The following TMEM69 variants were observed in gnomAD, a reference collection of about 807,000 sequenced individuals.
The protein encoded by TMEM69 is chromosome 1 open reading frame 154.
TMEM69 carries 17 observed loss-of-function variants against 15.8 expected under a neutral mutation model. The ratio of observed to expected loss-of-function variants is 1.07; its 90% CI spans 0.73 to 1.61. TMEM69 has a LOEUF of 1.61. Among genes scored for constraint, TMEM69 ranks in the 40% most tolerant of loss-of-function variants. The probability of loss-of-function intolerance (pLI) is 0.00; values close to 1 mark genes in which losing one functional copy is unlikely to be tolerated. For synonymous variants in TMEM69, 80 were observed against 98.6 expected, an observed-to-expected ratio of 0.81 and a Z score of 1.12; for missense variants, 230 against 286.1, an observed-to-expected ratio of 0.80 and a Z score of 1.41.
rs911957543 is a variant in TMEM69, at chr1:45,693,680, G to T, written c.519G>T (p.Trp173Cys). The T allele has an allele frequency of 1.2e-6, 2 of 1,614,030 alleles. No individual in the cohort carries two copies. Among genetic ancestry groups the T allele is most frequent in the Non-Finnish European group, 1.7e-6 (2 of 1,180,004 alleles). The change falls in exon 3 of 3, where the codon TGG becomes TGT. Residue 173 changes from tryptophan to cysteine, a missense_variant. Coordinates refer to ENST00000372025, the MANE Select transcript of TMEM69 (RefSeq NM_016486.4). Reference sequence around the variant, plus strand: ...GTGCAGCTCCTCTTTTCTTTTCATGGTTTGCCTTCCTTATTTCTGAAAGAC... The same window carrying T: ...GTGCAGCTCCTCTTTTCTTTTCATGTTTTGCCTTCCTTATTTCTGAAAGAC... ...ASSAAPLFFS[W>C]FAFLISERLS... is the part of the protein sequence containing the mutation.
intron 1 of TMEM69, among the ~76,000 whole-genome samples, chr1:45,690,636 G>GT (rs1023110001): frequency 1.9e-4 from 29 of 150,114 alleles, no homozygotes; most frequent in African/African-American, 2.4e-4. Flanking sequence ...TTTTGTTTTG[G>GT]TTTTTTTTTT....
At position 45,694,245 on chromosome 1, in the gene TMEM69, A is replaced by G; in HGVS notation, c.*340A>G. 2 of 569,324 alleles carry G rather than the reference A, an allele frequency of 3.5e-6. No homozygotes were observed. Among genetic ancestry groups the G allele is most frequent in the South Asian group, 4.5e-5 (2 of 44,828 alleles). The allele number at this position is 569,324 out of a possible 1,614,324, so 35.3% of individuals were successfully genotyped here. The stretch of plus-strand genomic sequence containing the variant: ...CCCACACCAATGGTAATTTATCTTC[A>G]CAGATTGTTCTTCATTTCTAGAAAT... On this transcript the variant is annotated 3_prime_UTR_variant, in exon 3 of 3. Transcript: ENST00000372025.
intron 1 of TMEM69, among the ~76,000 whole-genome samples, chr1:45,688,869 C>T (rs1375632358): frequency 6.6e-6 from 1 of 151,738 alleles, no homozygotes; most frequent in Non-Finnish European, 1.5e-5. Flanking sequence ...TTGACCCAGC[C>T]CTAAGATCTG....
rs1229184429 is a variant in TMEM69, at chr1:45,693,298, C to T, written c.137C>T (p.Pro46Leu). The change falls in exon 3 of 3, where the codon CCA (proline) becomes CTA (leucine). Residue 46 changes from proline (P) to leucine (L), a missense_variant. Physicochemically the swap from Pro to Leu is moderately conservative, Grantham distance 98. Coordinates refer to ENST00000372025, the MANE Select transcript of TMEM69 (RefSeq NM_016486.4). ...MSLQQNFSPC[P>L]RPWLSSSFPA... is the part of the protein sequence containing the mutation. ...CTCCAGCAAAACTTTTCCCCATGTC[C>T]AAGGCCTTGGCTTTCCTCATCATTT... 6.2e-7 allele frequency: 1 copy of T among 1,614,148 alleles called. No individual in the cohort carries two copies. The highest frequency in any genetic ancestry group is 1.7e-5 in the Admixed American group (1 of 60,002).
At position 45,689,817 on chromosome 1, in the gene TMEM69, G is replaced by A. The variant is rs1325050559; in HGVS notation, c.-95-1157G>A. ...GGCACCACTGCACTCCACCCTGGGCGACAGAGCAAGACTCCGTCTCAAAAA... is the reference window on the plus strand; with the variant it reads ...GGCACCACTGCACTCCACCCTGGGCAACAGAGCAAGACTCCGTCTCAAAAA... On this transcript the variant is annotated intron_variant, in intron 1 of 2. Coordinates refer to ENST00000372025, the MANE Select transcript of TMEM69 (RefSeq NM_016486.4). Among the ~76,000 whole-genome samples the A allele has an allele frequency of 5.3e-5, 8 of 152,018 alleles. No homozygotes were observed. In the East Asian group the frequency reaches 9.7e-4, roughly 18 times the overall value.
In TMEM69 at chr1:45,693,307, G is replaced by A. The variant is rs749859096; in HGVS notation, c.146G>A (p.Trp49Ter). Reference sequence around the variant, plus strand: ...AACTTTTCCCCATGTCCAAGGCCTTGGCTTTCCTCATCATTTCCAGCGTAT... The same window carrying A: ...AACTTTTCCCCATGTCCAAGGCCTTAGCTTTCCTCATCATTTCCAGCGTAT... ...QQNFSPCPRP[W>*]LSSSFPAYMS... Residue 49 changes from tryptophan to a stop codon, truncating the protein, a stop_gained, in exon 3 of 3, where the codon TGG (tryptophan) becomes TAG (stop). Coordinates refer to ENST00000372025, the MANE Select transcript of TMEM69 (RefSeq NM_016486.4). LOFTEE classifies it high-confidence loss of function. 6 of 1,613,962 alleles carry A rather than the reference G, an allele frequency of 3.7e-6. No individual in the cohort carries two copies. The African/African-American group carries it at 8.0e-5, about 22-fold the overall frequency.
chr1:45,691,226 G>A, intron 2 of TMEM69, 116 bp downstream of exon 2: 1 of 870,400 alleles, frequency 1.1e-6, no homozygotes, highest in South Asian at 1.4e-5. Context: ...ATGGAGGGAA[G>A]AGTTAAGTAA....
At chr1:45,691,368 T>C (rs1262945684) in intron 2 of TMEM69, among the ~76,000 whole-genome samples, 2 of 151,982 alleles carry the variant, frequency 1.3e-5, no homozygotes, top group African/African-American at 4.8e-5. Context: ...TCTGGGCACA[T>C]GGCAAAACCC....
chr1:45,691,872 GC>G (rs1201532035), intron 2 of TMEM69, among the ~76,000 whole-genome samples: 6 of 78,898 alleles, frequency 7.6e-5, no homozygotes, highest in African/African-American at 1.3e-4. Context: ...ATAAGGCCAG[GC>G]ACGGTCACTC....
intron 2 of TMEM69, 151 bp downstream of exon 2, chr1:45,691,261 T>C (rs1438320899): frequency 5.3e-6 from 4 of 748,600 alleles, no homozygotes; most frequent in African/African-American, 1.7e-5. Flanking sequence ...AAATGTTTAT[T>C]ATATCAGGCT....
chr1:45,693,918 T>C lies in TMEM69; in HGVS notation c.*13T>C, dbSNP rs763374703. On this transcript the variant is annotated 3_prime_UTR_variant, in exon 3 of 3. Transcript: ENST00000372025. Reference sequence around the variant, plus strand: ...TGGTCAAGTATAAAAAATATAAAAGTCTGGGAAGTGAGGAGCACCTCTGCC... The same window carrying C: ...TGGTCAAGTATAAAAAATATAAAAGCCTGGGAAGTGAGGAGCACCTCTGCC... 4 of 1,546,426 alleles carry C rather than the reference T, an allele frequency of 2.6e-6. No individual in the cohort carries two copies. The highest frequency in any genetic ancestry group is 4.5e-5 in the East Asian group (2 of 44,520).
intron 1 of TMEM69, among the ~76,000 whole-genome samples, chr1:45,689,951 C>T (rs756831940): frequency 1.3e-5 from 2 of 151,850 alleles, no homozygotes; most frequent in Non-Finnish European, 2.9e-5. Flanking sequence ...GCGGAGAGCA[C>T]GCCACTGCAG....
chr1:45,691,012 CAT>C lies in TMEM69; in HGVS notation c.-56_-55del. The C allele has an allele frequency of 6.3e-7, 1 of 1,599,008 alleles. No homozygotes were observed. The highest frequency in any genetic ancestry group is 8.6e-7 in the Non-Finnish European group (1 of 1,166,642). ...ATTCAGTGCCTCTGCTTAGCTGTAACATGTTAATCAGAACTACCTGGCATCTT... is the reference window on the plus strand; with the variant it reads ...ATTCAGTGCCTCTGCTTAGCTGTAACGTTAATCAGAACTACCTGGCATCTT... On this transcript the variant is annotated 5_prime_UTR_variant, in exon 2 of 3. An upstream start codon of the reference 5' UTR is lost. Coordinates refer to ENST00000372025, the MANE Select transcript of TMEM69 (RefSeq NM_016486.4).
At chr1:45,689,055 C>T (rs887230941) in intron 1 of TMEM69, among the ~76,000 whole-genome samples, 1 of 151,826 alleles carries the variant, frequency 6.6e-6, no homozygotes, top group African/African-American at 2.4e-5. Context: ...AGGCGCCTGC[C>T]ACCACGCCCA....
At chr1:45,689,625 G>A (rs146710725) in intron 1 of TMEM69, among the ~76,000 whole-genome samples, 1,781 of 152,158 alleles carry the variant, frequency 0.012, 25 homozygotes, top group African/African-American at 0.037. Flanking sequence ...GGCGGATCAC[G>A]AGGTCAGGAG....
rs749061812 is a variant in TMEM69, at chr1:45,693,791, G to T, written c.630G>T (p.Trp210Cys). The change falls in exon 3 of 3, where the codon TGG becomes TGT. Residue 210 changes from tryptophan (W) to cysteine (C), a missense_variant. Coordinates refer to ENST00000372025, the MANE Select transcript of TMEM69 (RefSeq NM_016486.4). ...ELFLLPHYPN[W>C]FKALRIVVTL... is the part of the protein sequence containing the mutation. The stretch of plus-strand genomic sequence containing the variant: ...TTCTCTTACCACATTATCCCAACTG[G>T]TTTAAAGCCCTGAGGATAGTAGTCA... The T allele has an allele frequency of 1.2e-6, 2 of 1,614,134 alleles. No homozygotes were observed. Among genetic ancestry groups the T allele is most frequent in the Admixed American group, 1.7e-5 (1 of 60,022 alleles).
chr1:45,690,922 AAATT>A (rs376433272), intron 1 of TMEM69, 48 bp from the exon 2 acceptor site: 7 of 763,410 alleles, frequency 9.2e-6, no homozygotes, highest in Admixed American at 2.3e-5. Flanking sequence ...TACTATTTAA[AAATT>A]AATGTATAAA....
intron 2 of TMEM69, 152 bp from the exon 3 acceptor site, chr1:45,693,052 C>T (rs959059797): frequency 1.8e-6 from 1 of 549,942 alleles, no homozygotes; most frequent in Non-Finnish European, 3.2e-6. Context: ...TTAGTTCATC[C>T]TTTCTGTATA....
intron 1 of TMEM69, 82 bp from the exon 2 acceptor site, chr1:45,690,892 G>T: frequency 1.5e-6 from 1 of 648,890 alleles, no homozygotes; most frequent in Non-Finnish European, 2.7e-6. Context: ...TCAAAGGAAA[G>T]TGTTATATTC....
Sources: gnomAD v4.1 joint callset for allele counts (sites outside exome capture counted in the v4.1 genomes callset) on GRCh38, gnomAD v4.1.1 for gene constraint, MANE v1.5 for transcripts, NCBI Gene and HGNC (gene_info 2026-07-23, HGNC 2026-07-21) for gene names.